Variants in UGCG observed in about 807,000 individuals in gnomAD.
UGCG encodes the protein ceramide glucosyltransferase.
In UGCG, 10 loss-of-function variants were observed where a neutral mutation model predicts 49.5. The ratio of observed to expected loss-of-function variants is 0.20; its 90% CI spans 0.12 to 0.34. UGCG has a LOEUF of 0.34. Among genes scored for constraint, UGCG ranks in the 10% least tolerant of loss-of-function variants. The pLI, the probability that UGCG is intolerant of heterozygous loss-of-function variation, is 1.00. For synonymous variants in UGCG, 182 were observed against 158.2 expected (o/e 1.15, Z -1.13); for missense variants, 312 against 483.7 (o/e 0.65, Z 3.33).
At chr9:111,908,834 C>T (rs1837940778) in intron 1 of UGCG, among the ~76,000 whole-genome samples, 1 of 152,200 alleles carries the variant, frequency 6.6e-6, no homozygotes, top group Non-Finnish European at 1.5e-5. Flanking sequence ...ACCAGTAAAA[C>T]TTGTAAGACC....
intron 2 of UGCG, among the ~76,000 whole-genome samples, chr9:111,917,891 T>G (rs2166840): frequency 0.44 from 66,907 of 152,054 alleles, 15,789 homozygotes; most frequent in African/African-American, 0.62. Context: ...GCAGTAGCAG[T>G]AATAGTCAAT....
intron 3 of UGCG, 106 bp from the exon 4 acceptor site, chr9:111,924,671 T>C (rs927592638): frequency 2.9e-5 from 13 of 441,848 alleles, no homozygotes; most frequent in African/African-American, 2.7e-4. Context: ...AAAGTATGTT[T>C]AATTATTAAA....
chr9:111,932,983 A>G lies in UGCG; in HGVS notation c.1171A>G (p.Ile391Val). The G allele has an allele frequency of 9.4e-6, 15 of 1,587,394 alleles. No homozygotes were observed. The highest frequency in any genetic ancestry group is 1.3e-5 in the Non-Finnish European group (15 of 1,166,554). Reference sequence around the variant, plus strand: ...ACGCTGTGGGGGTACAGCAGAGGAAATCCTAGATGTATAACTACAGCTTTG... The same window carrying G: ...ACGCTGTGGGGGTACAGCAGAGGAAGTCCTAGATGTATAACTACAGCTTTG... ...RLRCGGTAEE[I>V]LDV Residue 391 changes from isoleucine (I) to valine (V), a missense_variant, in exon 9 of 9, where the codon ATC becomes GTC. Ile to Val is a conservative substitution (Grantham distance 29). Coordinates refer to ENST00000374279, the MANE Select transcript of UGCG (RefSeq NM_003358.3).
In UGCG at chr9:111,896,904, T is replaced by G. The variant is rs1589513413; in HGVS notation, c.-312T>G. 6.1e-6 allele frequency: 1 copy of G among 163,816 alleles called. No individual in the cohort carries two copies. Among genetic ancestry groups the G allele is most frequent in the Non-Finnish European group, 1.3e-5 (1 of 76,586 alleles). The allele number at this position is 163,816 out of a possible 1,614,324, so 10.1% of individuals were successfully genotyped here. ...GGAGGTGCCCGCGCGCAGGGTCTGG[T>G]GGGCGGCCGCGAGGCTCGGGAGAGG... On this transcript the variant is annotated 5_prime_UTR_variant, in exon 1 of 9. Transcript: ENST00000374279.
chr9:111,915,199 G>C lies in UGCG; in HGVS notation c.240+453G>C, dbSNP rs548118974. Among the ~76,000 whole-genome samples the C allele has an allele frequency of 5.8e-4, 88 of 152,300 alleles. 1 individual carries two copies. Among genetic ancestry groups the C allele is most frequent in the African/African-American group, 2.1e-3 (86 of 41,556 alleles). On this transcript the variant is annotated intron_variant, in intron 2 of 8. Transcript: ENST00000374279. ...AGAATAGATTACAGTTAGTGGTACTGTAGGGTTTCATCTTACCTCATTTTT... is the reference window on the plus strand; with the variant it reads ...AGAATAGATTACAGTTAGTGGTACTCTAGGGTTTCATCTTACCTCATTTTT...
At chr9:111,912,239 G>A (rs1286686095) in intron 1 of UGCG, among the ~76,000 whole-genome samples, 1 of 151,722 alleles carries the variant, frequency 6.6e-6, no homozygotes, top group Non-Finnish European at 1.5e-5. Context: ...ACTCTGTAGA[G>A]CAATATTTTC....
At chr9:111,921,707 A>G (rs1449323615) in intron 2 of UGCG, among the ~76,000 whole-genome samples, 1 of 150,822 alleles carries the variant, frequency 6.6e-6, no homozygotes, top group Non-Finnish European at 1.5e-5. Flanking sequence ...TCAGGATTTT[A>G]TAAATCTGGC....
In UGCG at chr9:111,897,235, C is replaced by T. The variant is rs1402193022; in HGVS notation, c.20C>T (p.Ala7Val). 6.4e-7 allele frequency: 1 copy of T among 1,551,518 alleles called. No individual in the cohort carries two copies. The highest frequency in any genetic ancestry group is 8.7e-7 in the Non-Finnish European group (1 of 1,148,742). MALLDLALEGMAVFGFV... is the reference protein window; with the variant it reads MALLDLVLEGMAVFGFV... The stretch of plus-strand genomic sequence containing the variant: ...CGGGGGATGGCGCTGCTGGACCTGG[C>T]CTTGGAGGGAATGGCCGTCTTCGGG... Residue 7 changes from alanine to valine, a missense_variant, in exon 1 of 9, where the codon GCC (alanine) becomes GTC (valine). This residue lies in a region of UGCG where 65 missense variants were observed against 74.7 expected (regional missense o/e 0.87). Transcript: ENST00000374279.
intron 1 of UGCG, among the ~76,000 whole-genome samples, chr9:111,899,827 A>G (rs540921973): frequency 6.6e-6 from 1 of 152,300 alleles, no homozygotes; most frequent in Non-Finnish European, 1.5e-5. Context: ...CTAAATATTT[A>G]GAGACTTGTC....
At chr9:111,920,118 C>A (rs1447621020) in intron 2 of UGCG, among the ~76,000 whole-genome samples, 1 of 152,042 alleles carries the variant, frequency 6.6e-6, no homozygotes, top group Non-Finnish European at 1.5e-5. Context: ...GACCAGGTAA[C>A]TGTCAAGTTG....
rs1837682889 is a variant in UGCG, at chr9:111,897,364, G to A, written c.98+51G>A. On this transcript the variant is annotated intron_variant, in intron 1 of 8. Coordinates refer to ENST00000374279, the MANE Select transcript of UGCG (RefSeq NM_003358.3). ...TCGGGGCAGGGGTCCGGGCCTCGGA[G>A]ACAGGCGAGAATGGGAAACGTTTGC... is the stretch of plus-strand genomic sequence containing the variant. 6 of 1,446,624 alleles carry A rather than the reference G, an allele frequency of 4.1e-6. No individual in the cohort carries two copies. In the South Asian group the frequency reaches 7.4e-5, roughly 18 times the overall value. 89.6% of individuals were successfully genotyped at this position (1,446,624 alleles called of 1,614,324 possible).
intron 2 of UGCG, 34 bp from the exon 3 acceptor site, chr9:111,922,815 A>G (rs1332487753): frequency 6.6e-7 from 1 of 1,514,316 alleles, no homozygotes; most frequent in South Asian, 1.2e-5. Flanking sequence ...ATTTTTTTAA[A>G]GAATTTAATT....
intron 2 of UGCG, among the ~76,000 whole-genome samples, chr9:111,921,801 G>GTTTTTTTTTTTTTTTTTTTTTTTTTT (rs1564203243): frequency 2.1e-5 from 1 of 48,042 alleles, no homozygotes; most frequent in Non-Finnish European, 3.8e-5. Context: ...GCCCCAGGGT[G>GTTTTTTTTTTTTTTTTTTTTTTTTTT]ATTTTTTTTT....
chr9:111,912,504 G>A (rs762018400), intron 1 of UGCG, among the ~76,000 whole-genome samples: 8 of 151,898 alleles, frequency 5.3e-5, no homozygotes, highest in African/African-American at 9.7e-5. Context: ...ATTTGAACCC[G>A]GGAGGCGAAG....
At chr9:111,906,322 C>T (rs921850256) in intron 1 of UGCG, among the ~76,000 whole-genome samples, 1 of 152,208 alleles carries the variant, frequency 6.6e-6, no homozygotes, top group African/African-American at 2.4e-5. Flanking sequence ...ATCCCTCATT[C>T]CCCCTCCAGC....
intron 1 of UGCG, among the ~76,000 whole-genome samples, chr9:111,899,692 T>C (rs1837732437): frequency 6.6e-6 from 1 of 152,184 alleles, no homozygotes; most frequent in African/African-American, 2.4e-5. Flanking sequence ...TTCCTCCAAA[T>C]TATTATATAT....
At chr9:111,912,029 G>GATAT (rs60468274) in intron 1 of UGCG, among the ~76,000 whole-genome samples, 21,273 of 65,128 alleles carry the variant, frequency 0.33, 5,096 homozygotes, top group Middle Eastern at 0.41. Flanking sequence ...TATTCAACAG[G>GATAT]ATATATATAT....
chr9:111,911,964 GGA>G, intron 1 of UGCG, among the ~76,000 whole-genome samples: 1 of 50,666 alleles, frequency 2.0e-5, no homozygotes, highest in Non-Finnish European at 3.9e-5. Context: ...ATATTCAACA[GGA>G]TATATATATA....
At chr9:111,902,029 C>T (rs1469084455) in intron 1 of UGCG, among the ~76,000 whole-genome samples, 2 of 152,206 alleles carry the variant, frequency 1.3e-5, no homozygotes, top group East Asian at 1.9e-4. Flanking sequence ...GAACCAGCAA[C>T]GTTGTATTAC....
Sources: gnomAD v4.1 joint callset for allele counts (sites outside exome capture counted in the v4.1 genomes callset) on GRCh38, gnomAD v4.1.1 for gene constraint, gnomAD v4.1.1 regional missense constraint, MANE v1.5 for transcripts, NCBI Gene and HGNC (gene_info 2026-07-23, HGNC 2026-07-21) for gene names.